Variants in CAST observed in about 807,000 individuals in gnomAD.
CAST encodes the protein calpastatin.
In CAST, 76 loss-of-function variants were observed where a neutral mutation model predicts 119.6. The observed-to-expected ratio is 0.64, with a 90% confidence interval of 0.53 to 0.77. The LOEUF (loss-of-function observed/expected upper bound fraction) is 0.77. Ranked by LOEUF, CAST falls within the 30% of genes least tolerant of loss-of-function variation. The pLI is 0.00. For missense variants in CAST, 953 were observed against 946.5 expected (o/e 1.01, Z -0.09); for synonymous variants, 319 against 331.6 (o/e 0.96, Z 0.41).
chr5:96,574,555 T>C (rs1746632268), intron 1 of CAST, among the ~76,000 whole-genome samples: 1 of 152,236 alleles, frequency 6.6e-6, no homozygotes, highest in South Asian at 2.1e-4. Context: ...GTTCAATGCA[T>C]CAATTTTTCC....
chr5:96,399,954 T>C, the CAST span: 3 of 1,609,422 alleles, frequency 1.9e-6, no homozygotes. Flanking sequence ...GATACTTACC[T>C]GGGCTCAAAG....
the CAST span, among the ~76,000 whole-genome samples, chr5:96,120,936 T>G: frequency 6.6e-6 from 1 of 151,958 alleles, no homozygotes; most frequent in Non-Finnish European, 1.5e-5. Flanking sequence ...TCCACCTTCA[T>G]ATCAAAGGTG....
chr5:96,656,890 C>T (rs192254111), intron 1 of CAST, among the ~76,000 whole-genome samples: 1 of 152,208 alleles, frequency 6.6e-6, no homozygotes, highest in East Asian at 1.9e-4. Flanking sequence ...CAAGATTCTG[C>T]ATGTGCCCCA....
chr5:96,366,446 C>G, the CAST span, among the ~76,000 whole-genome samples: 1 of 152,188 alleles, frequency 6.6e-6, no homozygotes, highest in African/African-American at 2.4e-5. Flanking sequence ...TCCATTCTCC[C>G]CATCACTTTC....
chr5:96,109,559 T>G, the CAST span, among the ~76,000 whole-genome samples: 1 of 152,208 alleles, frequency 6.6e-6, no homozygotes, highest in Non-Finnish European at 1.5e-5. Flanking sequence ...TTTGGCAATC[T>G]TTTGGATTCA....
intron 2 of CAST, among the ~76,000 whole-genome samples, chr5:96,677,621 C>T (rs146446467): frequency 2.0e-5 from 3 of 152,288 alleles, no homozygotes; most frequent in East Asian, 1.9e-4. Flanking sequence ...TGTTTTATTA[C>T]GTTTCTGGTA....
At position 96,552,398 on chromosome 5, in the gene CAST, C is replaced by A. The variant is rs148435158; in HGVS notation, c.60+22518C>A. ...GAACAAAGATACAACGTACCAGAAT[C>A]TCTGGGAAACATTGAAAGCAGTGTG... On this transcript the variant is annotated intron_variant, in intron 1 of 11. Coordinates refer to the CAST transcript ENST00000505143. 1.1e-3 allele frequency among the ~76,000 whole-genome samples: 166 copies of A among 152,288 alleles called. 4 individuals carry two copies. The East Asian group carries it at 0.021, about 19-fold the overall frequency.
the CAST span, among the ~76,000 whole-genome samples, chr5:96,396,650 CATT>C: frequency 1.3e-5 from 2 of 151,522 alleles, no homozygotes; most frequent in Non-Finnish European, 2.9e-5. Flanking sequence ...AGAGCCAAAA[CATT>C]ATTCATTTAT....
the CAST span, among the ~76,000 whole-genome samples, chr5:96,007,076 G>A: frequency 2.4e-3 from 369 of 152,082 alleles, 1 homozygote; most frequent in African/African-American, 8.7e-3. Context: ...TCAGATATTC[G>A]TGTGGATTTT....
chr5:96,739,254 C>T (rs1324859631), intron 11 of CAST, among the ~76,000 whole-genome samples: 1 of 152,098 alleles, frequency 6.6e-6, no homozygotes, highest in Non-Finnish European at 1.5e-5. Context: ...CCAGGAAGTC[C>T]ACCTGTAGAG....
chr5:95,970,389 A>C, the CAST span: 14 of 152,232 alleles, frequency 9.2e-5, no homozygotes, highest in Non-Finnish European at 1.5e-4. Context: ...TGGGAATTGG[A>C]AATAGGGTAC....
chr5:96,235,069 A>T, the CAST span, among the ~76,000 whole-genome samples: 58 of 152,188 alleles, frequency 3.8e-4, no homozygotes, highest in Admixed American at 5.9e-4. Context: ...GACAACTAGT[A>T]GTGTCTGCCA....
intron 1 of CAST, among the ~76,000 whole-genome samples, chr5:96,605,095 G>C (rs1747228353): frequency 6.6e-6 from 1 of 152,178 alleles, no homozygotes; most frequent in South Asian, 2.1e-4. Context: ...TACCTAGGGG[G>C]TCAAATGTTG....
At chr5:96,101,045 T>C in the CAST span, among the ~76,000 whole-genome samples, 1 of 152,040 alleles carries the variant, frequency 6.6e-6, no homozygotes, top group Non-Finnish European at 1.5e-5. Flanking sequence ...GCCTCAGCCA[T>C]TGGGACCATA....
chr5:96,175,035 T>A, the CAST span, among the ~76,000 whole-genome samples: 1 of 152,184 alleles, frequency 6.6e-6, no homozygotes, highest in Non-Finnish European at 1.5e-5. Flanking sequence ...ATATTTAACT[T>A]CAGATTTTTT....
At chr5:96,654,802 AT>A (rs1748136538) in intron 1 of CAST, among the ~76,000 whole-genome samples, 1 of 152,228 alleles carries the variant, frequency 6.6e-6, no homozygotes, top group South Asian at 2.1e-4. Flanking sequence ...GACCATGTAT[AT>A]TTGTGTTAAA....
intron 4 of CAST, among the ~76,000 whole-genome samples, chr5:96,723,505 T>C (rs1581131564): frequency 6.6e-6 from 1 of 152,094 alleles, no homozygotes; most frequent in African/African-American, 2.4e-5. Flanking sequence ...ATTTGAGTCT[T>C]GTGGGGTACC....
chr5:96,326,752 A>G, the CAST span, among the ~76,000 whole-genome samples: 1 of 134,076 alleles, frequency 7.5e-6, no homozygotes, highest in Non-Finnish European at 1.5e-5. Context: ...TCTGGCACAC[A>G]GCAGATTCTC....
the CAST span, among the ~76,000 whole-genome samples, chr5:96,090,240 C>T: frequency 6.6e-6 from 1 of 152,126 alleles, no homozygotes; most frequent in Admixed American, 6.6e-5. Flanking sequence ...GTTCCTTTGT[C>T]CTTCTTGAGA....
Sources: allele counts gnomAD v4.1 joint callset (sites outside exome capture counted in the v4.1 genomes callset), GRCh38; gene constraint gnomAD v4.1.1; transcripts MANE v1.5; gene names NCBI Gene and HGNC (gene_info 2026-07-23, HGNC 2026-07-21).